Variants in MYO18A observed in about 807,000 individuals in gnomAD.
The protein encoded by MYO18A is myosin XVIIIA, also known as unconventional myosin-XVIIIa.
Under a neutral mutation model 235.8 loss-of-function variants are expected in MYO18A, and 78 were observed. The observed-to-expected ratio is 0.33, with a 90% confidence interval of 0.28 to 0.40. MYO18A has a LOEUF of 0.40. MYO18A is among the 10% of genes least tolerant of loss of function. The pLI, the probability that MYO18A is intolerant of heterozygous loss-of-function variation, is 1.00. For missense variants in MYO18A, 2,215 were observed against 2,699.3 expected (o/e 0.82, Z 3.98); for synonymous variants, 977 against 1,077.8 (o/e 0.91, Z 1.83).
chr17:29,095,809 G>A (rs1333453873), intron 28 of MYO18A, among the ~76,000 whole-genome samples: 3 of 152,164 alleles, frequency 2.0e-5, no homozygotes, highest in South Asian at 2.1e-4. Context: ...AGAAAACTCC[G>A]GGCAGCTGAA....
In MYO18A at chr17:29,086,418, C is replaced by A. The variant is rs1356095893; in HGVS notation, c.5852+20G>T. 6.3e-7 allele frequency: 1 copy of A among 1,579,646 alleles called. No individual in the cohort carries two copies. Among genetic ancestry groups the A allele is most frequent in the Admixed American group, 1.8e-5 (1 of 54,932 alleles). The stretch of plus-strand genomic sequence containing the variant: ...AGGGCCTCCGTGCTAGCTGCAGATG[C>A]CCCAGAGGCCACTTCTCACCTGTTG... On this transcript the variant is annotated intron_variant, in intron 39 of 41. Transcript: ENST00000527372.
intron 2 of MYO18A, among the ~76,000 whole-genome samples, chr17:29,146,016 G>A (rs898366682): frequency 6.6e-6 from 1 of 152,242 alleles, no homozygotes; most frequent in African/African-American, 2.4e-5. Context: ...TCAGCACTTT[G>A]GGAGGCCGAG....
intron 21 of MYO18A, among the ~76,000 whole-genome samples, chr17:29,100,633 A>G (rs997442895): frequency 5.3e-5 from 8 of 152,120 alleles, no homozygotes; most frequent in Admixed American, 3.9e-4. Flanking sequence ...GTCGGGTGAA[A>G]AAAATAGCTC....
chr17:29,137,244 C>T (rs1460291791), intron 2 of MYO18A, among the ~76,000 whole-genome samples: 1 of 152,222 alleles, frequency 6.6e-6, no homozygotes, highest in Non-Finnish European at 1.5e-5. Flanking sequence ...CCATCTTACT[C>T]ATCATACTGT....
chr17:29,113,362 C>T (rs540931758), intron 15 of MYO18A, among the ~76,000 whole-genome samples: 10 of 152,332 alleles, frequency 6.6e-5, no homozygotes, highest in Non-Finnish European at 1.0e-4. Flanking sequence ...TCCCTAATGG[C>T]GGACAATCGC....
chr17:29,098,452 T>G lies in MYO18A; in HGVS notation c.3781-7A>C. 1 of 1,613,632 alleles carries G rather than the reference T, an allele frequency of 6.2e-7. No individual in the cohort carries two copies. Among genetic ancestry groups the G allele is most frequent in the Non-Finnish European group, 8.5e-7 (1 of 1,179,780 alleles). On this transcript the variant is annotated splice_region_variant and splice_polypyrimidine_tract_variant and intron_variant, in intron 23 of 41. Transcript: ENST00000527372. Reference sequence around the variant, plus strand: ...GCAGCTGCTGGATCTCCTCCTAGGGTGGACCAAAGAGGGCAAAGTGAGCCA... The same window carrying G: ...GCAGCTGCTGGATCTCCTCCTAGGGGGGACCAAAGAGGGCAAAGTGAGCCA...
rs2065891047 is a variant in MYO18A at position 29,072,180 on chromosome 17, G to T, written c.*2590C>A. The T allele has an allele frequency of 7.2e-6, 1 of 139,552 alleles. No individual in the cohort carries two copies. The allele number at this position is 139,552 out of a possible 1,614,324, so 8.6% of individuals were successfully genotyped here. ...ACAGGAATAAAAGATGAGAGTGACA[G>T]AACTGAACATAAGCTAGCAGCCTTT... On this transcript the variant is annotated 3_prime_UTR_variant, in exon 42 of 42. Transcript: ENST00000527372.
chr17:29,170,453 G>C (rs1047420783), intron 1 of MYO18A, among the ~76,000 whole-genome samples: 3 of 152,008 alleles, frequency 2.0e-5, no homozygotes, highest in Admixed American at 6.6e-5. Context: ...TGCACTTTCC[G>C]GCACCTCCTG....
chr17:29,099,571 C>A, intron 22 of MYO18A, 63 bp downstream of exon 22: 1 of 1,571,684 alleles, frequency 6.4e-7, no homozygotes, highest in Non-Finnish European at 8.6e-7. Flanking sequence ...ATAGCCCCCA[C>A]CCCAGGAACT....
In MYO18A at chr17:29,074,656, T is replaced by A; in HGVS notation, c.*114A>T. ...CCTGACAGAAGAAGGTCAGGGTGTT[T>A]CCCATGCAGATCAGCAGTCGGGTGG... On this transcript the variant is annotated 3_prime_UTR_variant, in exon 42 of 42. Coordinates refer to ENST00000527372, the MANE Select transcript of MYO18A (RefSeq NM_078471.4). The surrounding 1 kb of genome is among the most constrained non-coding windows in gnomAD (Gnocchi z 4.4). 1 of 1,193,128 alleles carries A rather than the reference T, an allele frequency of 8.4e-7. No homozygotes were observed. The allele number at this position is 1,193,128 out of a possible 1,614,324, so 73.9% of individuals were successfully genotyped here.
intron 2 of MYO18A, among the ~76,000 whole-genome samples, chr17:29,135,337 C>T (rs986809817): frequency 6.6e-5 from 10 of 151,920 alleles, no homozygotes; most frequent in African/African-American, 1.9e-4. Context: ...CTCCTGACCT[C>T]GTGATCCACC....
At chr17:29,104,493 G>T (rs1234949830) in intron 20 of MYO18A, among the ~76,000 whole-genome samples, 2 of 152,174 alleles carry the variant, frequency 1.3e-5, no homozygotes, top group African/African-American at 4.8e-5. Context: ...GAATGAGTTT[G>T]GTTTGAACAA....
intron 2 of MYO18A, among the ~76,000 whole-genome samples, chr17:29,130,666 G>A (rs1203741311): frequency 6.6e-6 from 1 of 152,168 alleles, no homozygotes; most frequent in Non-Finnish European, 1.5e-5. Flanking sequence ...GTAAGAATAT[G>A]TGTTGTGATC....
chr17:29,167,935 ACTAT>A lies in MYO18A; in HGVS notation c.-81-918_-81-915del, dbSNP rs1709022872. On this transcript the variant is annotated intron_variant, in intron 1 of 41. Coordinates refer to ENST00000527372, the MANE Select transcript of MYO18A (RefSeq NM_078471.4). ...GCCTAATGCCAGGCACTTTACATGC[ACTAT>A]CTCCTCTGAACCTCACAGCATTCCT... 3.9e-5 allele frequency among the ~76,000 whole-genome samples: 6 copies of A among 152,328 alleles called. No individual in the cohort carries two copies. In the South Asian group the frequency reaches 1.2e-3, roughly 32 times the overall value.
intron 11 of MYO18A, 71 bp from the exon 12 acceptor site, chr17:29,115,911 G>A: frequency 6.7e-7 from 1 of 1,499,428 alleles, no homozygotes; most frequent in Non-Finnish European, 9.0e-7. Flanking sequence ...CTGATGACCA[G>A]CTGATGACTA....
intron 19 of MYO18A, among the ~76,000 whole-genome samples, chr17:29,108,782 C>T (rs186787846): frequency 2.3e-4 from 35 of 149,724 alleles, no homozygotes; most frequent in African/African-American, 8.4e-4. Context: ...CAGGTCTGGA[C>T]GCCTGGCATC....
intron 2 of MYO18A, among the ~76,000 whole-genome samples, chr17:29,139,106 G>A (rs1476909301): frequency 6.6e-6 from 1 of 152,182 alleles, no homozygotes; most frequent in African/African-American, 2.4e-5. Context: ...CCAGCCCCAG[G>A]GCGGAACAGA....
intron 2 of MYO18A, among the ~76,000 whole-genome samples, chr17:29,161,494 C>T (rs984896430): frequency 6.1e-5 from 9 of 147,198 alleles, no homozygotes; most frequent in African/African-American, 2.3e-4. Context: ...TGGGTGACAG[C>T]AAGACCCTGT....
chr17:29,126,401 G>A lies in MYO18A; in HGVS notation c.1000-4148C>T, dbSNP rs965034715. Among the ~76,000 whole-genome samples the A allele has an allele frequency of 1.3e-5, 2 of 152,182 alleles. No homozygotes were observed. The highest frequency in any genetic ancestry group is 2.9e-5 in the Non-Finnish European group (2 of 68,024). Reference sequence around the variant, plus strand: ...CACCTGCTTATGGGTTCTCCAGAGCGACCAACAGTTCTGCCCATACCCTGC... The same window carrying A: ...CACCTGCTTATGGGTTCTCCAGAGCAACCAACAGTTCTGCCCATACCCTGC... On this transcript the variant is annotated intron_variant, in intron 2 of 41. Transcript: ENST00000527372. This position sits in a 1 kb window ranked among gnomAD's most constrained non-coding sequence, Gnocchi z 4.1.
Sources: allele counts gnomAD v4.1 joint callset (sites outside exome capture counted in the v4.1 genomes callset), GRCh38; gene constraint gnomAD v4.1.1; non-coding constraint Gnocchi (gnomAD v3.1); transcripts MANE v1.5; gene names NCBI Gene and HGNC (gene_info 2026-07-23, HGNC 2026-07-21).